Variants in LRP1B observed in about 807,000 individuals in gnomAD.
LRP1B encodes the protein low-density lipoprotein receptor-related protein 1B.
LRP1B carries 217 observed loss-of-function variants against 556.6 expected under a neutral mutation model. The observed-to-expected ratio is 0.39, with a 90% CI of 0.35 to 0.44. The LOEUF (loss-of-function observed/expected upper bound fraction) is 0.44. LRP1B is among the 20% of genes least tolerant of loss of function. The pLI is 1.00. For synonymous variants in LRP1B, 2,047 were observed against 1,865.8 expected (o/e 1.10, Z -2.50); for missense variants, 5,053 against 5,620.8 (o/e 0.90, Z 3.23).
intron 35 of LRP1B, among the ~76,000 whole-genome samples, chr2:140,728,178 G>A (rs1687658564): frequency 6.6e-6 from 1 of 151,946 alleles, no homozygotes; most frequent in Non-Finnish European, 1.5e-5. Flanking sequence ...TCCATTTTCT[G>A]GTTTTGAACT....
chr2:141,514,833 TC>T (rs35927702), intron 2 of LRP1B, among the ~76,000 whole-genome samples: 21,384 of 152,162 alleles, frequency 0.14, 1,613 homozygotes, highest in African/African-American at 0.18. Context: ...CTGGATACTA[TC>T]CTGAAAGTAA....
At chr2:141,098,065 T>A (rs75214501) in intron 7 of LRP1B, among the ~76,000 whole-genome samples, 6 of 152,130 alleles carry the variant, frequency 3.9e-5, no homozygotes, top group Non-Finnish European at 8.8e-5. Context: ...TAATAAAAAG[T>A]GCTTCACACT....
chr2:140,278,200 A>G (rs1048550126), intron 84 of LRP1B, among the ~76,000 whole-genome samples: 2 of 152,004 alleles, frequency 1.3e-5, no homozygotes, highest in African/African-American at 4.8e-5. Context: ...AGAAGGATTT[A>G]TCTTACAGGA....
intron 85 of LRP1B, 124 bp downstream of exon 85, chr2:140,274,300 G>A (rs150522826): frequency 2.7e-5 from 21 of 790,160 alleles, no homozygotes; most frequent in Admixed American, 2.7e-4. Flanking sequence ...CATAAAAACT[G>A]CAATGGGCAC....
intron 1 of LRP1B, among the ~76,000 whole-genome samples, chr2:141,873,083 A>C (rs1253085588): frequency 2.0e-5 from 3 of 152,032 alleles, no homozygotes; most frequent in Non-Finnish European, 2.9e-5. Flanking sequence ...TGACCAAAGC[A>C]AAGGTGGGGA....
intron 3 of LRP1B, among the ~76,000 whole-genome samples, chr2:141,277,233 T>A (rs1685336553): frequency 6.6e-6 from 1 of 152,224 alleles, no homozygotes; most frequent in South Asian, 2.1e-4. Flanking sequence ...CCACAGTGGT[T>A]GAACAAATTT....
intron 1 of LRP1B, among the ~76,000 whole-genome samples, chr2:142,104,712 G>A (rs1574689174): frequency 6.6e-6 from 1 of 151,956 alleles, no homozygotes; most frequent in East Asian, 1.9e-4. Context: ...ACTTTACTTG[G>A]GTCTCATTCC....
At chr2:141,092,844 T>C (rs1330584569) in intron 7 of LRP1B, among the ~76,000 whole-genome samples, 1 of 152,204 alleles carries the variant, frequency 6.6e-6, no homozygotes, top group Non-Finnish European at 1.5e-5. Context: ...TTAGACATAC[T>C]CAGCTTATTG....
intron 5 of LRP1B, among the ~76,000 whole-genome samples, chr2:141,240,688 A>C (rs1231435612): frequency 6.6e-6 from 1 of 152,112 alleles, no homozygotes; most frequent in Non-Finnish European, 1.5e-5. Context: ...TTATTAAAAA[A>C]ACATGATAGA....
intron 84 of LRP1B, 130 bp from the exon 85 acceptor site, chr2:140,274,728 A>C (rs954684568): frequency 1.3e-5 from 9 of 684,888 alleles, no homozygotes; most frequent in Non-Finnish European, 1.9e-5. Flanking sequence ...AGCAGCTTAT[A>C]ATTACACATG....
At chr2:140,869,443 A>G (rs1033283763) in intron 25 of LRP1B, among the ~76,000 whole-genome samples, 5 of 152,126 alleles carry the variant, frequency 3.3e-5, no homozygotes, top group African/African-American at 4.8e-5. Flanking sequence ...ATGAGACAGT[A>G]TATCTGTCTA....
chr2:142,049,758 G>A (rs1418332836), intron 1 of LRP1B, among the ~76,000 whole-genome samples: 4 of 152,064 alleles, frequency 2.6e-5, no homozygotes, highest in African/African-American at 9.7e-5. Flanking sequence ...GCCATTTATT[G>A]AAACACTGAT....
chr2:140,373,430 G>A (rs1214764850), intron 68 of LRP1B, among the ~76,000 whole-genome samples: 1 of 151,948 alleles, frequency 6.6e-6, no homozygotes, highest in Non-Finnish European at 1.5e-5. Flanking sequence ...ATATACAACA[G>A]AATTATAACA....
chr2:140,820,748 T>C (rs576329673), intron 31 of LRP1B, among the ~76,000 whole-genome samples: 1 of 152,248 alleles, frequency 6.6e-6, no homozygotes, highest in South Asian at 2.1e-4. Context: ...ATTTTTAAAC[T>C]GTAGTTCCTG....
In LRP1B at chr2:141,622,734, A is replaced by AT. The variant is rs572942616; in HGVS notation, c.206-142202dup. On this transcript the variant is annotated intron_variant, in intron 2 of 90. Transcript: ENST00000389484. Reference sequence around the variant, plus strand: ...TCAAAGGGTTGCTAGTAACTATCCTATTTTTTGCGTGCTGCTGGGATGACA... The same window carrying AT: ...TCAAAGGGTTGCTAGTAACTATCCTATTTTTTTGCGTGCTGCTGGGATGACA... 8.5e-4 allele frequency among the ~76,000 whole-genome samples: 130 copies of AT among 152,212 alleles called. 2 individuals carry two copies. In the South Asian group the frequency reaches 0.016, roughly 19 times the overall value.
At chr2:141,351,792 T>A (rs1299277908) in intron 3 of LRP1B, among the ~76,000 whole-genome samples, 1 of 151,802 alleles carries the variant, frequency 6.6e-6, no homozygotes, top group Non-Finnish European at 1.5e-5. Flanking sequence ...AAAAAGAGGA[T>A]AGGGATGATT....
intron 43 of LRP1B, among the ~76,000 whole-genome samples, chr2:140,558,700 A>G (rs1680821037): frequency 6.6e-6 from 1 of 152,058 alleles, no homozygotes; most frequent in East Asian, 1.9e-4. Flanking sequence ...GCACTTTAGG[A>G]GGCCAAGGCG....
chr2:140,674,415 T>A (rs1220224500), intron 41 of LRP1B, among the ~76,000 whole-genome samples: 1 of 152,212 alleles, frequency 6.6e-6, no homozygotes, highest in Non-Finnish European at 1.5e-5. Flanking sequence ...AGGGTGGCCA[T>A]CTATGAGACT....
chr2:140,808,170 C>A (rs968021031), intron 32 of LRP1B, among the ~76,000 whole-genome samples: 1 of 152,160 alleles, frequency 6.6e-6, no homozygotes, highest in Admixed American at 6.5e-5. Context: ...CAGCTTTTAT[C>A]TAGCAACTTG....
Sources: allele counts gnomAD v4.1 joint callset (sites outside exome capture counted in the v4.1 genomes callset), GRCh38; gene constraint gnomAD v4.1.1; transcripts MANE v1.5; gene names NCBI Gene and HGNC (gene_info 2026-07-23, HGNC 2026-07-21).